Variants in ALMS1 observed in about 807,000 individuals in gnomAD.
ALMS1 encodes the protein centrosome-associated protein ALMS1.
A neutral mutation model predicts 352.2 loss-of-function variants in ALMS1; 271 were observed. The observed-to-expected ratio is 0.77, with a 90% CI of 0.70 to 0.85. The LOEUF (loss-of-function observed/expected upper bound fraction) is 0.85. Ranked by LOEUF, ALMS1 falls within the 40% of genes least tolerant of loss-of-function variation. ALMS1 has a pLI of 0.00. For missense variants in ALMS1, 5,445 were observed against 4,870.7 expected, an observed-to-expected ratio of 1.12 and a Z score of -3.51; for synonymous variants, 1,865 against 1,761.2, an observed-to-expected ratio of 1.06 and a Z score of -1.48.
intron 10 of ALMS1, among the ~76,000 whole-genome samples, chr2:73,511,016 T>G (rs1673440383): frequency 6.6e-6 from 1 of 152,148 alleles, no homozygotes; most frequent in South Asian, 2.1e-4. Context: ...CAAGCCTCAG[T>G]AATGGTGGAT....
At chr2:73,544,637 A>G (rs1558688696) in intron 12 of ALMS1, among the ~76,000 whole-genome samples, 1 of 152,194 alleles carries the variant, frequency 6.6e-6, no homozygotes, top group African/African-American at 2.4e-5. Context: ...ATTACGGAAA[A>G]CATTGTGGCT....
At chr2:73,408,564 G>T in intron 1 of ALMS1, 58 bp from the exon 2 acceptor site, 1 of 1,564,802 alleles carries the variant, frequency 6.4e-7, no homozygotes, top group South Asian at 1.1e-5. Flanking sequence ...GTTTATTTTT[G>T]TTGTATAATC....
At position 73,491,373 on chromosome 2, in the gene ALMS1, T is replaced by C; in HGVS notation, c.9414T>C (p.Ile3138=). Residue 3138 remains isoleucine (I), a synonymous_variant, in exon 10 of 23, where the codon ATT becomes ATC. Transcript: ENST00000613296. ...CTTCTCTTCCAGACAGTAACACTATTACTCAGGACTTGAAAACCATACCTT... is the reference window on the plus strand; with the variant it reads ...CTTCTCTTCCAGACAGTAACACTATCACTCAGGACTTGAAAACCATACCTT... The part of the protein sequence containing the change: ...VQPSLPDSNT[I]TQDLKTIPSQ... The C allele has an allele frequency of 2.5e-6, 4 of 1,614,140 alleles. No homozygotes were observed. Among genetic ancestry groups the C allele is most frequent in the Non-Finnish European group, 3.4e-6 (4 of 1,180,004 alleles).
chr2:73,403,578 C>A (rs1670914511), intron 1 of ALMS1, among the ~76,000 whole-genome samples: 1 of 151,838 alleles, frequency 6.6e-6, no homozygotes, highest in East Asian at 1.9e-4. Flanking sequence ...ATGCCATTGG[C>A]ATTTTCATAA....
At chr2:73,505,985 G>T (rs1471982397) in intron 10 of ALMS1, among the ~76,000 whole-genome samples, 1 of 152,134 alleles carries the variant, frequency 6.6e-6, no homozygotes, top group African/African-American at 2.4e-5. Flanking sequence ...GTAAGGAAGG[G>T]ATCCAGTTTC....
In ALMS1 at chr2:73,608,457, A is replaced by C. The variant is rs199968770; in HGVS notation, c.12363-18A>C. ...TAACCTCCCCGATTTCTGTCCTTTCACTGGTGCCATTTCTAAGGATTTATG... is the reference window on the plus strand; with the variant it reads ...TAACCTCCCCGATTTCTGTCCTTTCCCTGGTGCCATTTCTAAGGATTTATG... On this transcript the variant is annotated intron_variant, in intron 21 of 22. Transcript: ENST00000613296. 1,283 of 1,603,282 alleles carry C rather than the reference A, an allele frequency of 8.0e-4. 24 individuals carry two copies. The South Asian group carries it at 0.012, about 15-fold the overall frequency.
chr2:73,601,259 C>T lies in ALMS1; in HGVS notation c.11937C>T (p.Asn3979=), dbSNP rs1204975430. Residue 3979 remains asparagine, a synonymous_variant, in exon 19 of 23, where the codon AAC becomes AAT. Transcript: ENST00000613296. ...GATCAAAGAAGGAAAACGTGCCTAA[C>T]ACTTGTGGCCCTGGCATCTCCTGGT... ...ESRSKKENVP[N]TCGPGISWFE... 6.2e-7 allele frequency: 1 copy of T among 1,614,120 alleles called. No individual in the cohort carries two copies. The highest frequency in any genetic ancestry group is 1.7e-5 in the Admixed American group (1 of 60,016).
At chr2:73,462,661 C>G (rs1672231200) in intron 9 of ALMS1, 1 of 152,146 alleles carries the variant, frequency 6.6e-6, no homozygotes. Context: ...CAAAGACTGG[C>G]AAATTGGATA....
At chr2:73,469,909 C>G (rs1004988383) in intron 9 of ALMS1, 1 of 151,804 alleles carries the variant, frequency 6.6e-6, no homozygotes. Context: ...ATGGGTGACT[C>G]AAGCTATCAA....
At chr2:73,601,166 G>T in intron 18 of ALMS1, 29 bp from the exon 19 acceptor site, 1 of 1,613,836 alleles carries the variant, frequency 6.2e-7, no homozygotes, top group Non-Finnish European at 8.5e-7. Flanking sequence ...TGAAAAATCT[G>T]TGTTCCTTCT....
At chr2:73,432,109 T>C (rs888108632) in intron 6 of ALMS1, 89 bp from the exon 7 acceptor site, 3 of 967,458 alleles carry the variant, frequency 3.1e-6, no homozygotes, top group Non-Finnish European at 3.3e-6. Context: ...TAATATCTTA[T>C]TTTCTTCATT....
At chr2:73,389,803 C>T (rs1320166731) in intron 1 of ALMS1, among the ~76,000 whole-genome samples, 3 of 152,112 alleles carry the variant, frequency 2.0e-5, no homozygotes, top group Admixed American at 6.5e-5. Flanking sequence ...AATTCTCCTG[C>T]CTCAGCCTCC....
intron 10 of ALMS1, among the ~76,000 whole-genome samples, chr2:73,492,402 A>G (rs762464268): frequency 7.2e-4 from 110 of 152,124 alleles, no homozygotes; most frequent in Non-Finnish European, 1.5e-3. Context: ...TGATATCTCT[A>G]TTTTCCTACT....
chr2:73,431,626 A>G (rs977241605), intron 6 of ALMS1, among the ~76,000 whole-genome samples: 1 of 152,172 alleles, frequency 6.6e-6, no homozygotes, highest in Non-Finnish European at 1.5e-5. Flanking sequence ...CTACCAATTT[A>G]TAGTTTCCAC....
Position 73,490,169 on chromosome 2 carries a change from C to G in ALMS1, c.8210C>G (p.Thr2737Ser). ...TCCTCTGTTGTTAAGGTTGGTGTTACTGAAGGTAGCCAGTGTACTGGAGCA... is the reference window on the plus strand; with the variant it reads ...TCCTCTGTTGTTAAGGTTGGTGTTAGTGAAGGTAGCCAGTGTACTGGAGCA... ...SNSSVVKVGV[T>S]EGSQCTGASV... The change falls in exon 10 of 23, where the codon ACT (threonine) becomes AGT (serine). Residue 2737 changes from threonine to serine, a missense_variant. Transcript: ENST00000613296. 1 of 1,614,142 alleles carries G rather than the reference C, an allele frequency of 6.2e-7. No individual in the cohort carries two copies. Among genetic ancestry groups the G allele is most frequent in the Non-Finnish European group, 8.5e-7 (1 of 1,180,030 alleles).
At chr2:73,563,508 G>A (rs1169732346) in intron 15 of ALMS1, among the ~76,000 whole-genome samples, 3 of 152,026 alleles carry the variant, frequency 2.0e-5, no homozygotes, top group South Asian at 4.2e-4. Context: ...GGATTAAGAG[G>A]TCAGGAGATC....
In ALMS1 at chr2:73,452,762, G is replaced by A. The variant is rs758696535; in HGVS notation, c.6235G>A (p.Glu2079Lys). 1.9e-6 allele frequency: 3 copies of A among 1,613,434 alleles called. No individual in the cohort carries two copies. The highest frequency in any genetic ancestry group is 2.5e-6 in the Non-Finnish European group (3 of 1,179,920). Residue 2079 changes from glutamate (E) to lysine (K), a missense_variant, in exon 8 of 23, where the codon GAA becomes AAA. Transcript: ENST00000613296. ...TATTCTAAAGATTTCAGCTGTCCCT[G>A]AACTAACTGATGTGAATACTGGAAA... ...KGILKISAVP[E>K]LTDVNTGKPV...
In ALMS1 at chr2:73,487,319, T is replaced by C. The variant is rs760540842; in HGVS notation, c.7675-2315T>C. On this transcript the variant is annotated intron_variant, in intron 9 of 22. Coordinates refer to ENST00000613296, the MANE Select transcript of ALMS1 (RefSeq NM_001378454.1). ...AGCCACTGTACACAGCCAGGCATGC[T>C]GACGGCTGTGGTAGGGCAGGCAGCT... is the stretch of plus-strand genomic sequence containing the variant. Among the ~76,000 whole-genome samples, 133 of 152,314 alleles carry C rather than the reference T, an allele frequency of 8.7e-4. 1 individual carries two copies. Among genetic ancestry groups the C allele is most frequent in the Non-Finnish European group, 1.9e-4 (13 of 68,026 alleles).
Position 73,449,587 on chromosome 2 carries a change from T to A in ALMS1, c.3060T>A (p.Ser1020Arg). ...TCTATCAACAGGAGTGGCCAGATAGTTATGCAACTGAAAAGGCTCTGAAAG... is the reference window on the plus strand; with the variant it reads ...TCTATCAACAGGAGTGGCCAGATAGATATGCAACTGAAAAGGCTCTGAAAG... Reference protein sequence around the residue: ...SIFYQQEWPDSYATEKALKVS... With the variant: ...SIFYQQEWPDRYATEKALKVS... The change falls in exon 8 of 23, where the codon AGT (serine) becomes AGA (arginine). Residue 1020 changes from serine (S) to arginine (R), a missense_variant. Transcript: ENST00000613296. 6.2e-7 allele frequency: 1 copy of A among 1,613,984 alleles called. No individual in the cohort carries two copies. Among genetic ancestry groups the A allele is most frequent in the Non-Finnish European group, 8.5e-7 (1 of 1,179,946 alleles).
Sources: allele counts gnomAD v4.1 joint callset (sites outside exome capture counted in the v4.1 genomes callset), GRCh38; gene constraint gnomAD v4.1.1; transcripts MANE v1.5; gene names NCBI Gene and HGNC (gene_info 2026-07-23, HGNC 2026-07-21).